FNDC3A: variants seen among roughly 807,000 people sequenced by gnomAD.
The protein encoded by FNDC3A is fibronectin type-III domain-containing protein 3A.
FNDC3A carries 32 observed loss-of-function variants against 148.9 expected under a neutral mutation model. That is an observed-to-expected ratio of 0.21 (90% CI 0.16 to 0.29). The LOEUF (loss-of-function observed/expected upper bound fraction) is 0.29. Among genes scored for constraint, FNDC3A ranks in the 10% least tolerant of loss-of-function variants. The pLI is 1.00. For synonymous variants in FNDC3A, 472 were observed against 473.6 expected, an observed-to-expected ratio of 1.00 and a Z score of 0.04; for missense variants, 1,191 against 1,452.8, an observed-to-expected ratio of 0.82 and a Z score of 2.93.
At chr13:49,027,762 A>G (rs1056220714) in intron 2 of FNDC3A, among the ~76,000 whole-genome samples, 1 of 152,194 alleles carries the variant, frequency 6.6e-6, no homozygotes, top group Non-Finnish European at 1.5e-5. Flanking sequence ...ATTTAACATA[A>G]AAAAGGCAAA....
At chr13:49,007,852 T>C (rs571083948) in intron 2 of FNDC3A, among the ~76,000 whole-genome samples, 2 of 152,158 alleles carry the variant, frequency 1.3e-5, no homozygotes, top group South Asian at 4.1e-4. Flanking sequence ...TTTCAGGAAG[T>C]GTAGAGTAAA....
intron 2 of FNDC3A, among the ~76,000 whole-genome samples, chr13:49,052,369 G>A (rs1016142570): frequency 2.0e-5 from 3 of 152,100 alleles, no homozygotes; most frequent in African/African-American, 7.2e-5. Context: ...GTCCCATGGG[G>A]TCCTCCCTTT....
chr13:49,153,265 G>T (rs1240138997), intron 8 of FNDC3A, among the ~76,000 whole-genome samples: 2 of 151,842 alleles, frequency 1.3e-5, no homozygotes, highest in African/African-American at 4.8e-5. Context: ...TTCTCTGATG[G>T]CCAGTGATGA....
intron 2 of FNDC3A, among the ~76,000 whole-genome samples, chr13:49,058,733 T>C (rs577609213): frequency 2.7e-4 from 41 of 152,354 alleles, no homozygotes; most frequent in Admixed American, 4.6e-4. Flanking sequence ...AGTATTTTGT[T>C]ACGTCATTCC....
At chr13:49,168,092 G>A (rs1290227311) in intron 9 of FNDC3A, among the ~76,000 whole-genome samples, 1 of 152,154 alleles carries the variant, frequency 6.6e-6, no homozygotes, top group Non-Finnish European at 1.5e-5. Context: ...TTACCCAGCT[G>A]AAGCCTAATA....
At chr13:49,048,934 A>G (rs3012123) in intron 2 of FNDC3A, among the ~76,000 whole-genome samples, 47,849 of 151,956 alleles carry the variant, frequency 0.31, 7,628 homozygotes, top group South Asian at 0.48. Context: ...CTTGTTCAGT[A>G]TAATGTTGGC....
At chr13:49,113,571 CTTTA>C (rs939270384) in intron 3 of FNDC3A, among the ~76,000 whole-genome samples, 7 of 152,172 alleles carry the variant, frequency 4.6e-5, no homozygotes, top group African/African-American at 1.2e-4. Flanking sequence ...GCTTTTCCTC[CTTTA>C]TTTCTTTTAT....
chr13:49,167,617 G>T (rs921222260), intron 9 of FNDC3A, among the ~76,000 whole-genome samples: 2 of 152,068 alleles, frequency 1.3e-5, no homozygotes, highest in Admixed American at 6.6e-5. Flanking sequence ...GAGGTAGGAG[G>T]ATTGCTTGAG....
At position 49,046,576 on chromosome 13, in the gene FNDC3A, T is replaced by G. The variant is rs186497549; in HGVS notation, c.100-28713T>G. 6.7e-5 allele frequency: 11 copies of G among 163,800 alleles called. No homozygotes were observed. In the East Asian group the frequency reaches 2.0e-3, roughly 30 times the overall value. The allele number at this position is 163,800 out of a possible 1,614,324, so 10.1% of individuals were successfully genotyped here. A position where few individuals can be genotyped will look rare whatever the true frequency, so the allele number is the denominator to read the frequency against. On this transcript the variant is annotated intron_variant, in intron 2 of 25. Coordinates refer to ENST00000492622, the MANE Select transcript of FNDC3A (RefSeq NM_001079673.2). Reference sequence around the variant, plus strand: ...TTCATGCAGAGTTTCTGGTTTATATTTATACACCCATGATTCATTTTCAGA... The same window carrying G: ...TTCATGCAGAGTTTCTGGTTTATATGTATACACCCATGATTCATTTTCAGA...
chr13:49,138,703 C>T (rs1882518992), intron 6 of FNDC3A, 44 bp from the exon 7 acceptor site: 1 of 966,732 alleles, frequency 1.0e-6, no homozygotes. Flanking sequence ...GGGATTGTAT[C>T]TAAGTTCTTT....
At chr13:49,172,234 G>T in intron 11 of FNDC3A, 138 bp downstream of exon 11, 2 of 489,308 alleles carry the variant, frequency 4.1e-6, no homozygotes, top group Non-Finnish European at 7.3e-6. Flanking sequence ...GTGCATGAGT[G>T]GATTGATGGT....
At chr13:49,082,937 T>C (rs150592797) in intron 3 of FNDC3A, among the ~76,000 whole-genome samples, 5 of 152,052 alleles carry the variant, frequency 3.3e-5, no homozygotes, top group Non-Finnish European at 7.4e-5. Context: ...GAGGAGGCCA[T>C]CTGTGTGGAG....
At position 49,201,808 on chromosome 13, in the gene FNDC3A, C is replaced by G; in HGVS notation, c.2996C>G (p.Ser999Cys). 1 of 1,492,448 alleles carries G rather than the reference C, an allele frequency of 6.7e-7. No homozygotes were observed. Among genetic ancestry groups the G allele is most frequent in the South Asian group, 1.3e-5 (1 of 75,256 alleles). 92.5% of individuals were successfully genotyped at this position (1,492,448 alleles called of 1,614,324 possible). Residue 999 changes from serine to cysteine, a missense_variant, in exon 24 of 26, where the codon TCC becomes TGC. Transcript: ENST00000492622. Reference sequence around the variant, plus strand: ...AGTTATTTCCATTTTAGGTTTGTATCCCTATACAGAGGACCATGTCATACA... The same window carrying G: ...AGTTATTTCCATTTTAGGTTTGTATGCCTATACAGAGGACCATGTCATACA... ...QMEDKNGRFV[S>C]LYRGPCHTYK...
chr13:48,975,696 G>A (rs1177720174), upstream of FNDC3A: 20 of 152,242 alleles, frequency 1.3e-4, no homozygotes, highest in Non-Finnish European at 2.9e-5. Flanking sequence ...GCGCAGCCGG[G>A]CCTCGGGAGA....
chr13:49,077,174 A>G (rs937876257), intron 3 of FNDC3A, among the ~76,000 whole-genome samples: 2 of 152,222 alleles, frequency 1.3e-5, no homozygotes, highest in African/African-American at 2.4e-5. Flanking sequence ...CTCGAGAGAT[A>G]AGGTTGGAAG....
intron 3 of FNDC3A, among the ~76,000 whole-genome samples, chr13:49,101,361 A>G (rs1449585460): frequency 6.6e-6 from 1 of 152,128 alleles, no homozygotes; most frequent in Non-Finnish European, 1.5e-5. Flanking sequence ...CTGCACTTTA[A>G]TACTGCCACA....
At chr13:49,102,043 G>C (rs1879891057) in intron 3 of FNDC3A, among the ~76,000 whole-genome samples, 1 of 151,732 alleles carries the variant, frequency 6.6e-6, no homozygotes. Flanking sequence ...TCACTGTTTT[G>C]CCCAGGCTGG....
chr13:49,166,094 A>G (rs1884445353), intron 8 of FNDC3A, among the ~76,000 whole-genome samples: 1 of 152,166 alleles, frequency 6.6e-6, no homozygotes, highest in Non-Finnish European at 1.5e-5. Flanking sequence ...CCCCAGGCCC[A>G]AGGAAGAATC....
At chr13:49,025,201 A>G (rs1199589536) in intron 2 of FNDC3A, among the ~76,000 whole-genome samples, 2 of 152,074 alleles carry the variant, frequency 1.3e-5, no homozygotes, top group East Asian at 3.8e-4. Context: ...CTGAGGATTT[A>G]TAATTTAGCA....
Sources: gnomAD v4.1 joint callset for allele counts (sites outside exome capture counted in the v4.1 genomes callset) on GRCh38, gnomAD v4.1.1 for gene constraint, MANE v1.5 for transcripts, NCBI Gene and HGNC (gene_info 2026-07-23, HGNC 2026-07-21) for gene names.